The following SEMA6D variants were observed in gnomAD, a reference collection of about 807,000 sequenced individuals.
SEMA6D encodes the protein semaphorin-6D.
SEMA6D carries 35 observed loss-of-function variants against 106.6 expected under a neutral mutation model. That is an observed-to-expected ratio of 0.33 (90% CI 0.25 to 0.44). The LOEUF (loss-of-function observed/expected upper bound fraction) is 0.44. SEMA6D is among the 20% of genes least tolerant of loss of function. SEMA6D has a pLI of 1.00. For missense variants in SEMA6D, 1,185 were observed against 1,345.9 expected, an observed-to-expected ratio of 0.88 and a Z score of 1.87; for synonymous variants, 499 against 487.7, an observed-to-expected ratio of 1.02 and a Z score of -0.31.
intron 1 of SEMA6D, among the ~76,000 whole-genome samples, chr15:47,228,163 C>CACACACACACACAT (rs374770930): frequency 1.6e-3 from 221 of 136,822 alleles, no homozygotes; most frequent in African/African-American, 2.7e-3. Context: ...CACACACACA[C>CACACACACACACAT]ATATATATAT....
intron 4 of SEMA6D, among the ~76,000 whole-genome samples, chr15:47,657,120 T>C (rs1048403977): frequency 1.3e-5 from 2 of 152,196 alleles, no homozygotes; most frequent in Admixed American, 6.5e-5. Context: ...TTGTACAGTT[T>C]GATTCATTTT....
chr15:47,592,466 G>A (rs559488915), intron 3 of SEMA6D, among the ~76,000 whole-genome samples: 1 of 152,278 alleles, frequency 6.6e-6, no homozygotes, highest in East Asian at 1.9e-4. Flanking sequence ...TGATTGGCTG[G>A]GTGTGGGTGA....
chr15:47,474,358 A>G (rs1353227999), intron 3 of SEMA6D, among the ~76,000 whole-genome samples: 2 of 152,228 alleles, frequency 1.3e-5, no homozygotes, highest in African/African-American at 4.8e-5. Context: ...AATTAATTGT[A>G]GAATGTTTGC....
chr15:47,282,878 A>G (rs757586714), intron 1 of SEMA6D, among the ~76,000 whole-genome samples: 9 of 152,112 alleles, frequency 5.9e-5, no homozygotes, highest in Non-Finnish European at 1.3e-4. Context: ...GCAGCAAAGT[A>G]TGCTTTTTAT....
intron 3 of SEMA6D, among the ~76,000 whole-genome samples, chr15:47,553,746 CA>C (rs951067238): frequency 5.8e-4 from 83 of 141,930 alleles, no homozygotes; most frequent in South Asian, 1.1e-3. Flanking sequence ...GATAAGAAGG[CA>C]AAAAAAAAAA....
At position 47,737,734 on chromosome 15, in the gene SEMA6D, G is replaced by A. The variant is rs181852306; in HGVS notation, c.-55+20042G>A. Among the ~76,000 whole-genome samples, 11 of 152,008 alleles carry A rather than the reference G, an allele frequency of 7.2e-5. No homozygotes were observed. The East Asian group carries it at 1.2e-3, about 16-fold the overall frequency. On this transcript the variant is annotated intron_variant, in intron 1 of 18. Coordinates refer to ENST00000536845, the MANE Select transcript of SEMA6D (RefSeq NM_001358351.3). ...TGTTCACCATTATAAAATAAGTTTC[G>A]TTTTTTTCCTTCCTACTTTAGACTA...
At chr15:47,514,935 T>G (rs1372126638) in intron 3 of SEMA6D, among the ~76,000 whole-genome samples, 1 of 152,132 alleles carries the variant, frequency 6.6e-6, no homozygotes, top group African/African-American at 2.4e-5. Flanking sequence ...ATGATCTCAG[T>G]TAATTTATAT....
chr15:47,704,171 A>G (rs2078869226), intron 4 of SEMA6D, among the ~76,000 whole-genome samples: 1 of 152,064 alleles, frequency 6.6e-6, no homozygotes, highest in African/African-American at 2.4e-5. Context: ...ATTTTTGTAG[A>G]GATAAGGTCT....
upstream of SEMA6D, among the ~76,000 whole-genome samples, chr15:47,712,515 G>T (rs1443763438): frequency 6.6e-6 from 1 of 152,138 alleles, no homozygotes; most frequent in Non-Finnish European, 1.5e-5. Context: ...ATCTGGCCAG[G>T]ATCTGGGATG....
intron 4 of SEMA6D, among the ~76,000 whole-genome samples, chr15:47,627,251 G>T (rs1436167072): frequency 1.3e-5 from 2 of 152,148 alleles, no homozygotes; most frequent in Non-Finnish European, 2.9e-5. Context: ...ATTATTCCCA[G>T]ATCCATTCCC....
intron 4 of SEMA6D, among the ~76,000 whole-genome samples, chr15:47,650,337 G>A (rs1343969041): frequency 6.6e-6 from 1 of 152,188 alleles, no homozygotes; most frequent in Admixed American, 6.5e-5. Flanking sequence ...TATGCAAAAA[G>A]CATGGCAACC....
chr15:47,367,692 G>GCACACACACACACA, intron 1 of SEMA6D, among the ~76,000 whole-genome samples: 1 of 73,502 alleles, frequency 1.4e-5, no homozygotes, highest in African/African-American at 4.1e-5. Flanking sequence ...GCGCGCGCGC[G>GCACACACACACACA]CACACACACA....
intron 1 of SEMA6D, among the ~76,000 whole-genome samples, chr15:47,345,682 C>T (rs2038016973): frequency 6.6e-6 from 1 of 151,960 alleles, no homozygotes; most frequent in Non-Finnish European, 1.5e-5. Flanking sequence ...AAAGCATGAC[C>T]CATAAAGGAA....
intron 1 of SEMA6D, among the ~76,000 whole-genome samples, chr15:47,192,821 A>G (rs1468868918): frequency 6.6e-6 from 1 of 152,250 alleles, no homozygotes; most frequent in African/African-American, 2.4e-5. Flanking sequence ...GATTCTGGCC[A>G]CACAGAAAAT....
chr15:47,552,449 A>G (rs1050846418), intron 3 of SEMA6D, among the ~76,000 whole-genome samples: 1 of 150,838 alleles, frequency 6.6e-6, no homozygotes, highest in East Asian at 2.0e-4. Context: ...GCTTATTCTT[A>G]TCAAGAAAAT....
chr15:47,651,396 C>A (rs1305996687), intron 4 of SEMA6D, among the ~76,000 whole-genome samples: 1 of 152,058 alleles, frequency 6.6e-6, no homozygotes, highest in Non-Finnish European at 1.5e-5. Flanking sequence ...CAGAGCAACA[C>A]CCTGCCTCTA....
At chr15:47,283,032 T>C (rs1479915371) in intron 1 of SEMA6D, among the ~76,000 whole-genome samples, 1 of 152,152 alleles carries the variant, frequency 6.6e-6, no homozygotes, top group Non-Finnish European at 1.5e-5. Flanking sequence ...TAACAGGGGC[T>C]AGCATTTCTA....
intron 4 of SEMA6D, among the ~76,000 whole-genome samples, chr15:47,622,682 T>A (rs2077129130): frequency 6.6e-6 from 1 of 152,042 alleles, no homozygotes; most frequent in African/African-American, 2.4e-5. Flanking sequence ...CAATCAAGTG[T>A]GTGATTTTGG....
At chr15:47,404,735 G>A (rs2040505341) in intron 1 of SEMA6D, among the ~76,000 whole-genome samples, 1 of 152,180 alleles carries the variant, frequency 6.6e-6, no homozygotes, top group African/African-American at 2.4e-5. Context: ...TTTGCTAAAA[G>A]CGTGTGGGAG....
Sources: gnomAD v4.1 joint callset for allele counts (sites outside exome capture counted in the v4.1 genomes callset) on GRCh38, gnomAD v4.1.1 for gene constraint, MANE v1.5 for transcripts, NCBI Gene and HGNC (gene_info 2026-07-23, HGNC 2026-07-21) for gene names.